CLEC4F: variants seen among roughly 807,000 people sequenced by gnomAD.
The protein encoded by CLEC4F is C-type lectin domain family 4 member F.
Under a neutral mutation model 53.4 loss-of-function variants are expected in CLEC4F, and 45 were observed. The ratio of observed to expected loss-of-function variants is 0.84; its 90% CI spans 0.66 to 1.08. The LOEUF (loss-of-function observed/expected upper bound fraction) is 1.08. Ranked by LOEUF, CLEC4F falls within the 50% of genes least tolerant of loss-of-function variation. The pLI, the probability that CLEC4F is intolerant of heterozygous loss-of-function variation, is 0.00. For synonymous variants in CLEC4F, 245 were observed against 257.5 expected (o/e 0.95, Z 0.46); for missense variants, 753 against 698.2 (o/e 1.08, Z -0.88).
At chr2:70,819,491 CT>C in intron 2 of CLEC4F, 47 bp from the exon 3 acceptor site, 1 of 1,547,530 alleles carries the variant, frequency 6.5e-7, no homozygotes, top group South Asian at 1.1e-5. Flanking sequence ...AGCCCTGAGC[CT>C]GGGAGGATAC....
intron 5 of CLEC4F, among the ~76,000 whole-genome samples, chr2:70,811,716 GCCTGGT>G (rs1206608934): frequency 3.3e-5 from 5 of 152,142 alleles, no homozygotes; most frequent in Non-Finnish European, 5.9e-5. Context: ...ATAGTTGTGT[GCCTGGT>G]CTTCCCAAGA....
upstream of CLEC4F, among the ~76,000 whole-genome samples, chr2:70,822,224 C>T (rs1325853189): frequency 2.0e-5 from 3 of 152,134 alleles, no homozygotes; most frequent in Admixed American, 6.6e-5. Context: ...GGATGCCCAG[C>T]GGGTGTCAGA....
chr2:70,821,092 G>T (rs1677201873), upstream of CLEC4F, among the ~76,000 whole-genome samples: 1 of 152,138 alleles, frequency 6.6e-6, no homozygotes, highest in Non-Finnish European at 1.5e-5. Flanking sequence ...ACATGATTTT[G>T]TACAAGGGAC....
chr2:70,809,488 G>C, intron 6 of CLEC4F, 106 bp from the exon 7 acceptor site: 10 of 1,263,674 alleles, frequency 7.9e-6, no homozygotes, highest in Admixed American at 2.5e-5. Flanking sequence ...GTCCAGGTGA[G>C]AGCGATGACC....
intron 4 of CLEC4F, 83 bp downstream of exon 4, chr2:70,815,911 A>G: frequency 5.6e-6 from 8 of 1,422,594 alleles, no homozygotes; most frequent in Non-Finnish European, 7.6e-6. Flanking sequence ...ATGTTGCAGT[A>G]AAAAAGAGGC....
chr2:70,816,696 A>G lies in CLEC4F; in HGVS notation c.685T>C (p.Leu229=), dbSNP rs1676935323. ...LENANSEIQM[L]NASLETANTQ... is the part of the protein sequence containing the mutation. ...TTTGCCGTTTCCAAACTGGCATTCA[A>G]CATCTGAATTTCAGAGTTTGCATTT... The change falls in exon 4 of 7, where the codon TTG becomes CTG. Residue 229 remains leucine, a synonymous_variant. Transcript: ENST00000272367. The G allele has an allele frequency of 6.2e-7, 1 of 1,614,168 alleles. No individual in the cohort carries two copies.
At chr2:70,819,660 G>A (rs1388794082) in intron 2 of CLEC4F, 115 bp downstream of exon 2, 1 of 866,462 alleles carries the variant, frequency 1.2e-6, no homozygotes, top group Non-Finnish European at 1.9e-6. Context: ...GGAGCTGGAG[G>A]TGGAATGATC....
chr2:70,820,653 C>T, upstream of CLEC4F: 2 of 870,032 alleles, frequency 2.3e-6, no homozygotes, highest in Non-Finnish European at 3.4e-6. Context: ...CCTCCCAGCT[C>T]TTCCTCCCTC....
upstream of CLEC4F, chr2:70,820,654 T>G: frequency 4.4e-5 from 37 of 846,002 alleles, no homozygotes; most frequent in Non-Finnish European, 5.3e-5. Flanking sequence ...CTCCCAGCTC[T>G]TCCTCCCTCC....
rs1255944127 is a variant in CLEC4F at position 70,809,400 on chromosome 2, A to C, written c.1659-18T>G. On this transcript the variant is annotated intron_variant, in intron 6 of 6. Transcript: ENST00000272367. ...AACCAGGCCTGAGTAGGGCAGGGGG[A>C]AAAAAACAGAAAGACCCACTCACTG... 1 of 1,581,462 alleles carries C rather than the reference A, an allele frequency of 6.3e-7. No individual in the cohort carries two copies. The highest frequency in any genetic ancestry group is 8.6e-7 in the Non-Finnish European group (1 of 1,164,224).
chr2:70,809,884 G>T, intron 5 of CLEC4F, 27 bp from the exon 6 acceptor site: 1 of 1,545,174 alleles, frequency 6.5e-7, no homozygotes, highest in Non-Finnish European at 9.0e-7. Flanking sequence ...GTGTCAGTTT[G>T]CCCCTGTGTG....
upstream of CLEC4F, among the ~76,000 whole-genome samples, chr2:70,823,875 CA>C (rs1488355782): frequency 6.6e-6 from 1 of 151,872 alleles, no homozygotes; most frequent in East Asian, 1.9e-4. Flanking sequence ...ATTAAAAATA[CA>C]AAAACTAACT....
chr2:70,821,112 T>C (rs1677202468), upstream of CLEC4F, among the ~76,000 whole-genome samples: 1 of 152,200 alleles, frequency 6.6e-6, no homozygotes, highest in Non-Finnish European at 1.5e-5. Context: ...CTTGAGCATC[T>C]GTGGACTTTG....
At chr2:70,817,898 C>T (rs376702595) in intron 3 of CLEC4F, among the ~76,000 whole-genome samples, 2 of 152,150 alleles carry the variant, frequency 1.3e-5, no homozygotes, top group Admixed American at 6.5e-5. Context: ...GCGCTGGGGT[C>T]GTTGAAGGAG....
chr2:70,812,591 A>G lies in CLEC4F; in HGVS notation c.1395T>C (p.Leu465=). ...QEQLQRTQSQ[L]LQMVLQGWKF... is the part of the protein sequence containing the mutation. Reference sequence around the variant, plus strand: ...TCCAGCCTTGCAGGACCATCTGGAGAAGCTGACCTGGAGCAAAGATTGGGG... The same window carrying G: ...TCCAGCCTTGCAGGACCATCTGGAGGAGCTGACCTGGAGCAAAGATTGGGG... The change falls in exon 5 of 7, where the codon CTT becomes CTC. Residue 465 remains leucine (L), a synonymous_variant. Coordinates refer to ENST00000272367, the MANE Select transcript of CLEC4F (RefSeq NM_173535.3). 1.2e-6 allele frequency: 2 copies of G among 1,613,994 alleles called. No individual in the cohort carries two copies. The highest frequency in any genetic ancestry group is 1.7e-6 in the Non-Finnish European group (2 of 1,179,998).
At chr2:70,824,621 CCAAAAAAA>C (rs1303065090), upstream of CLEC4F, among the ~76,000 whole-genome samples, 7 of 38,270 alleles carry the variant, frequency 1.8e-4, no homozygotes, top group East Asian at 3.5e-3. Context: ...TGCTTAGTTA[CCAAAAAAA>C]AAAAAAAAAA....
Position 70,808,806 on chromosome 2 carries a change from G to A in CLEC4F, c.*465C>T. On this transcript the variant is annotated 3_prime_UTR_variant, in exon 7 of 7. Coordinates refer to ENST00000272367, the MANE Select transcript of CLEC4F (RefSeq NM_173535.3). ...TGAAAGGGCTGAATCAAAGAACAAGGCAGGAAGTCCACAAGGCCAACGGAA... is the reference window on the plus strand; with the variant it reads ...TGAAAGGGCTGAATCAAAGAACAAGACAGGAAGTCCACAAGGCCAACGGAA... 1 of 475,972 alleles carries A rather than the reference G, an allele frequency of 2.1e-6. No individual in the cohort carries two copies. 29.5% of individuals were successfully genotyped at this position (475,972 alleles called of 1,614,324 possible).
chr2:70,819,647 C>T, intron 2 of CLEC4F, 128 bp downstream of exon 2: 1 of 845,678 alleles, frequency 1.2e-6, no homozygotes, highest in East Asian at 2.4e-5. Flanking sequence ...GTGGCTTGGG[C>T]CTGGAGCTGG....
chr2:70,816,187 C>A lies in CLEC4F; in HGVS notation c.1194G>T (p.Lys398Asn), dbSNP rs782605931. The A allele has an allele frequency of 2.5e-6, 4 of 1,614,228 alleles. No homozygotes were observed. Among genetic ancestry groups the A allele is most frequent in the Non-Finnish European group, 3.4e-6 (4 of 1,180,042 alleles). ...REIQTLKQGM[K>N]NASALTSQTQ... ...TCTGGGAAGTTAAGGCTGAAGCATT[C>A]TTCATTCCTTGTTTTAGGGTCTGTA... is the stretch of plus-strand genomic sequence containing the variant. Residue 398 changes from lysine (K) to asparagine (N), a missense_variant, in exon 4 of 7, where the codon AAG becomes AAT. Lys to Asn is a moderately conservative substitution (Grantham distance 94). Coordinates refer to ENST00000272367, the MANE Select transcript of CLEC4F (RefSeq NM_173535.3).
Sources: allele counts gnomAD v4.1 joint callset (sites outside exome capture counted in the v4.1 genomes callset), GRCh38; gene constraint gnomAD v4.1.1; transcripts MANE v1.5; gene names NCBI Gene and HGNC (gene_info 2026-07-23, HGNC 2026-07-21).